The following GRID2 variants were observed in gnomAD, a reference collection of about 807,000 sequenced individuals.
GRID2 encodes glutamate ionotropic receptor delta type subunit 2, also known as glutamate receptor ionotropic, delta-2.
Under a neutral mutation model 114.8 loss-of-function variants are expected in GRID2, and 33 were observed. The observed-to-expected ratio is 0.29, with a 90% CI of 0.22 to 0.38. GRID2 has a LOEUF of 0.38. Among genes scored for constraint, GRID2 ranks in the 10% least tolerant of loss-of-function variants. GRID2 has a pLI of 1.00. For missense variants in GRID2, 1,184 were observed against 1,257.7 expected, an observed-to-expected ratio of 0.94 and a Z score of 0.89; for synonymous variants, 505 against 449.9, an observed-to-expected ratio of 1.12 and a Z score of -1.55.
rs1578785376 is a variant in GRID2, at chr4:93,773,312, T to C, written c.*814T>C. ...CAATTCATTTAATAAAGCTTTAGTT[T>C]AAACAAAAGTATTGTATACAGGAAC... On this transcript the variant is annotated 3_prime_UTR_variant, in exon 16 of 16. Transcript: ENST00000282020. The C allele has an allele frequency of 6.6e-6, 1 of 152,160 alleles. No individual in the cohort carries two copies. The highest frequency in any genetic ancestry group is 1.9e-4 in the East Asian group (1 of 5,194). 9.4% of individuals were successfully genotyped at this position (152,160 alleles called of 1,614,324 possible). A position where few individuals can be genotyped will look rare whatever the true frequency, so the allele number is the denominator to read the frequency against.
intron 13 of GRID2, among the ~76,000 whole-genome samples, chr4:93,524,823 GTATATATA>G (rs1300787035): frequency 5.5e-4 from 33 of 59,918 alleles, no homozygotes; most frequent in African/African-American, 2.0e-3. Flanking sequence ...ATGTATGTAT[GTATATATA>G]TATATATATA....
intron 8 of GRID2, among the ~76,000 whole-genome samples, chr4:93,378,291 A>G (rs1222016337): frequency 6.6e-6 from 1 of 152,162 alleles, no homozygotes; most frequent in Non-Finnish European, 1.5e-5. Context: ...GTTTCCACAT[A>G]AAGTAATGCA....
rs1241360318 is a variant in GRID2 at position 93,491,296 on chromosome 4, C to G, written c.1997+519C>G. Among the ~76,000 whole-genome samples the G allele has an allele frequency of 2.0e-5, 3 of 151,842 alleles. No individual in the cohort carries two copies. In the East Asian group the frequency reaches 5.8e-4, roughly 30 times the overall value. ...AGTAACCACATTCTGTTTTTCTCTT[C>G]ATTACCTTATACTTCATGTGGTCCT... On this transcript the variant is annotated intron_variant, in intron 12 of 15. Transcript: ENST00000282020.
intron 2 of GRID2, among the ~76,000 whole-genome samples, chr4:93,059,691 A>G (rs1727591714): frequency 6.6e-6 from 1 of 152,114 alleles, no homozygotes; most frequent in Non-Finnish European, 1.5e-5. Context: ...TTTTCTGTTA[A>G]GAAAGACATT....
intron 2 of GRID2, among the ~76,000 whole-genome samples, chr4:92,618,673 C>T (rs779873741): frequency 2.0e-4 from 30 of 151,634 alleles, no homozygotes; most frequent in Non-Finnish European, 4.3e-4. Context: ...TTTTGGGTTT[C>T]TTTCATCAGC....
intron 1 of GRID2, among the ~76,000 whole-genome samples, chr4:92,355,324 T>C (rs1728267855): frequency 6.6e-6 from 1 of 151,842 alleles, no homozygotes; most frequent in South Asian, 2.1e-4. Context: ...TAATTTTACA[T>C]AGGCACTGTC....
At chr4:92,960,315 C>T (rs1270818394) in intron 2 of GRID2, among the ~76,000 whole-genome samples, 5 of 151,998 alleles carry the variant, frequency 3.3e-5, no homozygotes, top group Non-Finnish European at 7.4e-5. Flanking sequence ...TATATCCTTA[C>T]TTATTTCCTG....
intron 1 of GRID2, among the ~76,000 whole-genome samples, chr4:92,399,656 T>C (rs1193648320): frequency 7.2e-6 from 1 of 139,088 alleles, no homozygotes; most frequent in Non-Finnish European, 1.5e-5. Context: ...TCTCTCTCTC[T>C]CTCTCTCTCT....
intron 2 of GRID2, among the ~76,000 whole-genome samples, chr4:92,879,389 A>G (rs542104020): frequency 5.9e-5 from 9 of 152,336 alleles, no homozygotes; most frequent in African/African-American, 2.2e-4. Context: ...TAAAGTAAAT[A>G]GTACTACATC....
chr4:93,046,449 A>G (rs1218728775), intron 2 of GRID2, among the ~76,000 whole-genome samples: 1 of 152,132 alleles, frequency 6.6e-6, no homozygotes, highest in Non-Finnish European at 1.5e-5. Flanking sequence ...AGGAATTTCA[A>G]CAGAGAAGAT....
chr4:93,347,184 G>A (rs1299536229), intron 8 of GRID2, among the ~76,000 whole-genome samples: 1 of 151,868 alleles, frequency 6.6e-6, no homozygotes, highest in African/African-American at 2.4e-5. Flanking sequence ...ATGGGAAGCT[G>A]AATTTATGTT....
intron 14 of GRID2, among the ~76,000 whole-genome samples, chr4:93,688,714 A>T (rs1398798010): frequency 6.7e-6 from 1 of 149,886 alleles, no homozygotes; most frequent in Non-Finnish European, 1.5e-5. Flanking sequence ...TGGCCCTCTT[A>T]TAAGTACTTG....
At chr4:93,390,103 G>A (rs1309833137) in intron 8 of GRID2, among the ~76,000 whole-genome samples, 1 of 151,940 alleles carries the variant, frequency 6.6e-6, no homozygotes, top group Non-Finnish European at 1.5e-5. Context: ...GCAAGTTTTA[G>A]GGCAGTGGTT....
intron 8 of GRID2, among the ~76,000 whole-genome samples, chr4:93,244,698 A>C (rs1235861845): frequency 2.7e-5 from 4 of 149,374 alleles, no homozygotes; most frequent in African/African-American, 9.8e-5. Context: ...TTAAAAATAC[A>C]CCAATTTTTA....
intron 2 of GRID2, among the ~76,000 whole-genome samples, chr4:92,999,474 A>T (rs1224170290): frequency 6.6e-6 from 1 of 151,770 alleles, no homozygotes; most frequent in East Asian, 1.9e-4. Context: ...ATAAAAACAG[A>T]CTATAGACTA....
intron 8 of GRID2, among the ~76,000 whole-genome samples, chr4:93,257,999 TACACACACAC>T (rs3970979): frequency 1.7e-4 from 6 of 36,008 alleles, no homozygotes; most frequent in South Asian, 1.3e-3. Flanking sequence ...TATATATATA[TACACACACAC>T]ACACACACAC....
At chr4:93,514,448 C>A (rs1406537622) in intron 12 of GRID2, among the ~76,000 whole-genome samples, 1 of 151,750 alleles carries the variant, frequency 6.6e-6, no homozygotes, top group Non-Finnish European at 1.5e-5. Context: ...CACACACACA[C>A]ACACACACAC....
intron 13 of GRID2, among the ~76,000 whole-genome samples, chr4:93,531,385 T>G (rs1300730111): frequency 6.6e-6 from 1 of 152,178 alleles, no homozygotes; most frequent in Non-Finnish European, 1.5e-5. Context: ...TGCATGAATT[T>G]TGTTCTTTTC....
intron 2 of GRID2, among the ~76,000 whole-genome samples, chr4:92,592,303 C>T (rs187456914): frequency 6.6e-6 from 1 of 151,758 alleles, no homozygotes; most frequent in Admixed American, 6.6e-5. Context: ...GGCTAAACTA[C>T]CTATGCTTTT....
Sources: gnomAD v4.1 joint callset for allele counts (sites outside exome capture counted in the v4.1 genomes callset) on GRCh38, gnomAD v4.1.1 for gene constraint, MANE v1.5 for transcripts, NCBI Gene and HGNC (gene_info 2026-07-23, HGNC 2026-07-21) for gene names.